Variants in MAML3 observed in about 807,000 individuals in gnomAD.
The protein encoded by MAML3 is mastermind-like protein 3.
A neutral mutation model predicts 101.9 loss-of-function variants in MAML3; 27 were observed. That is an observed-to-expected ratio of 0.27 (90% CI 0.20 to 0.37). The LOEUF (loss-of-function observed/expected upper bound fraction) is 0.37. Among genes scored for constraint, MAML3 ranks in the 10% least tolerant of loss-of-function variants. The probability of loss-of-function intolerance (pLI) is 1.00; values close to 1 mark genes in which losing one functional copy is unlikely to be tolerated. For synonymous variants in MAML3, 501 were observed against 555.9 expected, an observed-to-expected ratio of 0.90 and a Z score of 1.39; for missense variants, 1,316 against 1,444.9, an observed-to-expected ratio of 0.91 and a Z score of 1.45.
chr4:140,123,398 T>C (rs890914600), intron 1 of MAML3, among the ~76,000 whole-genome samples: 4 of 152,212 alleles, frequency 2.6e-5, no homozygotes, highest in African/African-American at 9.7e-5. Context: ...CACTACTGAA[T>C]AGTATAATTG....
At chr4:140,133,255 T>C (rs764737025) in intron 1 of MAML3, 3 of 330,946 alleles carry the variant, frequency 9.1e-6, no homozygotes, top group Non-Finnish European at 1.8e-5. Flanking sequence ...AAAACTACAG[T>C]GGTCCTGCCT....
intron 1 of MAML3, among the ~76,000 whole-genome samples, chr4:140,021,593 C>T (rs1521493): frequency 0.57 from 86,949 of 151,294 alleles, 25,934 homozygotes; most frequent in African/African-American, 0.7. Flanking sequence ...AATTTTTTTT[C>T]CTTATTTTTA....
intron 2 of MAML3, among the ~76,000 whole-genome samples, chr4:139,842,300 C>A (rs1324281926): frequency 6.6e-6 from 1 of 152,168 alleles, no homozygotes; most frequent in Non-Finnish European, 1.5e-5. Context: ...TGCGAACATA[C>A]CTGCTTTTTA....
intron 2 of MAML3, among the ~76,000 whole-genome samples, chr4:139,807,170 T>C (rs1730716024): frequency 6.6e-6 from 1 of 152,198 alleles, no homozygotes; most frequent in South Asian, 2.1e-4. Context: ...AAATAAGCCA[T>C]TTATCGTTCT....
At chr4:139,986,610 C>T (rs1311590820) in intron 1 of MAML3, among the ~76,000 whole-genome samples, 1 of 141,100 alleles carries the variant, frequency 7.1e-6, no homozygotes, top group East Asian at 1.9e-4. Flanking sequence ...CTACACTGTT[C>T]GACTTACTTT....
intron 1 of MAML3, among the ~76,000 whole-genome samples, chr4:140,059,096 A>G (rs1477208969): frequency 6.6e-6 from 1 of 152,200 alleles, no homozygotes; most frequent in African/African-American, 2.4e-5. Flanking sequence ...AGTGCTTTCT[A>G]GGACAACTCT....
At chr4:139,859,990 TAG>T (rs1731740607) in intron 2 of MAML3, among the ~76,000 whole-genome samples, 1 of 152,148 alleles carries the variant, frequency 6.6e-6, no homozygotes, top group South Asian at 2.1e-4. Flanking sequence ...CGGGAGGGGC[TAG>T]AGGAGCAGCC....
intron 2 of MAML3, among the ~76,000 whole-genome samples, chr4:139,773,611 G>A (rs930849035): frequency 2.6e-5 from 4 of 152,174 alleles, no homozygotes; most frequent in South Asian, 2.1e-4. Context: ...AAGGCTCAGC[G>A]TAAATGGGTA....
chr4:139,963,847 T>C (rs1167491521), intron 1 of MAML3, among the ~76,000 whole-genome samples: 2 of 152,188 alleles, frequency 1.3e-5, no homozygotes, highest in Admixed American at 1.3e-4. Flanking sequence ...ACACAACTCT[T>C]AGAGCCTCCC....
intron 1 of MAML3, among the ~76,000 whole-genome samples, chr4:139,963,866 T>C (rs1208119489): frequency 6.6e-6 from 1 of 152,188 alleles, no homozygotes; most frequent in Non-Finnish European, 1.5e-5. Flanking sequence ...CCAGAGGTAC[T>C]CTGTCATTTT....
At chr4:139,998,915 T>C (rs1317619060) in intron 1 of MAML3, among the ~76,000 whole-genome samples, 1 of 152,198 alleles carries the variant, frequency 6.6e-6, no homozygotes, top group Non-Finnish European at 1.5e-5. Flanking sequence ...GGCTGGCCAA[T>C]GATTGGACAC....
At chr4:139,773,829 G>C (rs1730041978) in intron 2 of MAML3, among the ~76,000 whole-genome samples, 1 of 152,148 alleles carries the variant, frequency 6.6e-6, no homozygotes, top group Non-Finnish European at 1.5e-5. Flanking sequence ...CACCTCGATG[G>C]CTTTGGAACT....
At chr4:139,771,306 T>A (rs976158083) in intron 2 of MAML3, among the ~76,000 whole-genome samples, 1 of 152,200 alleles carries the variant, frequency 6.6e-6, no homozygotes, top group African/African-American at 2.4e-5. Context: ...GAGCCTCATG[T>A]TATGGGCTGA....
At chr4:139,806,920 C>A (rs965294581) in intron 2 of MAML3, among the ~76,000 whole-genome samples, 2 of 152,058 alleles carry the variant, frequency 1.3e-5, no homozygotes, top group African/African-American at 4.8e-5. Context: ...CCAAATGATA[C>A]AGAGAGATCA....
intron 1 of MAML3, chr4:140,134,272 A>G (rs1306207441): frequency 6.6e-6 from 3 of 456,634 alleles, no homozygotes; most frequent in African/African-American, 6.0e-5. Flanking sequence ...AAACACATTA[A>G]GGAAAGGAAA....
intron 2 of MAML3, among the ~76,000 whole-genome samples, chr4:139,805,125 G>A (rs1024756484): frequency 6.6e-6 from 1 of 152,138 alleles, no homozygotes; most frequent in African/African-American, 2.4e-5. Flanking sequence ...CGGAGGTTGC[G>A]GTGAGCCGAG....
chr4:139,975,212 C>T (rs1734306214), intron 1 of MAML3, among the ~76,000 whole-genome samples: 1 of 152,132 alleles, frequency 6.6e-6, no homozygotes, highest in African/African-American at 2.4e-5. Context: ...TTATGTCCTC[C>T]TCTCCCACAC....
intron 1 of MAML3, chr4:140,134,476 T>C (rs1341056651): frequency 2.5e-6 from 1 of 403,524 alleles, no homozygotes; most frequent in South Asian, 1.8e-5. Context: ...AACAGATCTA[T>C]TCTCCACTTA....
chr4:140,152,386 T>C (rs1444456857), intron 1 of MAML3, among the ~76,000 whole-genome samples: 1 of 151,686 alleles, frequency 6.6e-6, no homozygotes, highest in Non-Finnish European at 1.5e-5. Flanking sequence ...TGCGACAGCA[T>C]CAATATTTCC....
Sources: allele counts gnomAD v4.1 joint callset (sites outside exome capture counted in the v4.1 genomes callset), GRCh38; gene constraint gnomAD v4.1.1; transcripts MANE v1.5; gene names NCBI Gene and HGNC (gene_info 2026-07-23, HGNC 2026-07-21).